FRAS1: variants seen among roughly 807,000 people sequenced by gnomAD.
The protein encoded by FRAS1 is Fraser extracellular matrix complex subunit 1.
Under a neutral mutation model 435.2 loss-of-function variants are expected in FRAS1, and 290 were observed. That is an observed-to-expected ratio of 0.67 (90% CI 0.61 to 0.73). The LOEUF (loss-of-function observed/expected upper bound fraction) is 0.73. Among genes scored for constraint, FRAS1 ranks in the 30% least tolerant of loss-of-function variants. The pLI is 0.00. For missense variants in FRAS1, 4,860 were observed against 5,001.5 expected (o/e 0.97, Z 0.85); for synonymous variants, 1,800 against 1,851.0 (o/e 0.97, Z 0.71).
intron 4 of FRAS1, among the ~76,000 whole-genome samples, chr4:78,247,428 T>C (rs1725294048): frequency 6.6e-6 from 1 of 152,190 alleles, no homozygotes; most frequent in African/African-American, 2.4e-5. Context: ...CTTCTTCAAA[T>C]AGAGCTAGAA....
chr4:78,492,523 C>T (rs1057444170), intron 59 of FRAS1, among the ~76,000 whole-genome samples: 2 of 152,066 alleles, frequency 1.3e-5, no homozygotes, highest in African/African-American at 4.8e-5. Flanking sequence ...TTTGACAAAC[C>T]TGACAAAAAT....
intron 20 of FRAS1, among the ~76,000 whole-genome samples, chr4:78,345,371 G>T (rs1458244814): frequency 6.6e-6 from 1 of 152,106 alleles, no homozygotes; most frequent in African/African-American, 2.4e-5. Context: ...GTAGAATTAA[G>T]GACTTGAATC....
At chr4:78,177,250 C>T (rs1578168385) in intron 2 of FRAS1, among the ~76,000 whole-genome samples, 1 of 152,156 alleles carries the variant, frequency 6.6e-6, no homozygotes, top group East Asian at 1.9e-4. Context: ...GGGGACATGG[C>T]TTGAAATATA....
At chr4:78,320,787 C>G (rs1729472870) in intron 18 of FRAS1, among the ~76,000 whole-genome samples, 2 of 152,036 alleles carry the variant, frequency 1.3e-5, no homozygotes, top group African/African-American at 4.8e-5. Context: ...GTGGAAACCA[C>G]AGAGGAATTA....
intron 2 of FRAS1, among the ~76,000 whole-genome samples, chr4:78,223,036 C>T (rs533021096): frequency 2.0e-5 from 3 of 152,232 alleles, no homozygotes; most frequent in South Asian, 2.1e-4. Context: ...TCGGTGGCTT[C>T]CTGGCAAACA....
At chr4:78,278,788 A>T in intron 10 of FRAS1, 44 bp downstream of exon 10, 2 of 1,117,104 alleles carry the variant, frequency 1.8e-6, no homozygotes, top group Non-Finnish European at 2.7e-6. Flanking sequence ...AAATTAATTC[A>T]AAATTAATCT....
At position 78,384,906 on chromosome 4, in the gene FRAS1, TC is replaced by T. The variant is rs1312414405; in HGVS notation, c.3648+764del. On this transcript the variant is annotated intron_variant, in intron 28 of 73. Transcript: ENST00000512123. ...CTGAGCAACACAGTGAGACCCTGTC[TC>T]AAAAAAAAAAAAAAAAAAAAAAGAC... Among the ~76,000 whole-genome samples the T allele has an allele frequency of 6.7e-3, 372 of 55,734 alleles. 1 individual carries two copies. Among genetic ancestry groups the T allele is most frequent in the African/African-American group, 0.029 (347 of 11,898 alleles). The allele number at this position is 55,734 out of a possible 152,430, so 36.6% of individuals were successfully genotyped here.
chr4:78,265,859 A>G (rs1221683409), intron 7 of FRAS1, among the ~76,000 whole-genome samples: 1 of 152,236 alleles, frequency 6.6e-6, no homozygotes, highest in Non-Finnish European at 1.5e-5. Context: ...GAAACTAAGT[A>G]TTAGGGGATA....
intron 26 of FRAS1, among the ~76,000 whole-genome samples, chr4:78,378,283 A>G (rs1377477858): frequency 6.6e-6 from 1 of 152,182 alleles, no homozygotes; most frequent in Non-Finnish European, 1.5e-5. Context: ...GATGAGTAAT[A>G]TTACATTTTG....
chr4:78,477,710 G>T, intron 54 of FRAS1, 105 bp from the exon 55 acceptor site: 1 of 1,407,012 alleles, frequency 7.1e-7, no homozygotes, highest in East Asian at 2.4e-5. Flanking sequence ...TTCAGTCAGT[G>T]CTCTGCCCAC....
intron 60 of FRAS1, among the ~76,000 whole-genome samples, chr4:78,498,682 C>T (rs554135842): frequency 1.3e-5 from 2 of 152,038 alleles, no homozygotes; most frequent in African/African-American, 4.8e-5. Flanking sequence ...GAAATTTCTG[C>T]CATATTCTAT....
rs186999556 is a variant in FRAS1, at chr4:78,430,241, G to C, written c.4844-51G>C. The C allele has an allele frequency of 2.0e-5, 33 of 1,610,624 alleles. No homozygotes were observed. The Admixed American group carries it at 5.5e-4, about 27-fold the overall frequency. On this transcript the variant is annotated intron_variant, in intron 36 of 73. Coordinates refer to ENST00000512123, the MANE Select transcript of FRAS1 (RefSeq NM_025074.7). ...CTGCGGTTTTAATATATAGTCTATC[G>C]TCTTTAACATACGCTTTCTCTCTCA...
At chr4:78,252,309 GAGA>G in intron 4 of FRAS1, 80 bp from the exon 5 acceptor site, 1 of 1,337,192 alleles carries the variant, frequency 7.5e-7, no homozygotes, top group East Asian at 2.3e-5. Flanking sequence ...ATTTGGATAA[GAGA>G]AGATTTGTTT....
chr4:78,322,180 T>C (rs899923578), intron 18 of FRAS1, among the ~76,000 whole-genome samples: 5 of 152,218 alleles, frequency 3.3e-5, no homozygotes, highest in Admixed American at 2.0e-4. Flanking sequence ...TTGATGTATT[T>C]CCTGTCAGTC....
intron 29 of FRAS1, among the ~76,000 whole-genome samples, chr4:78,400,508 T>C (rs1732841176): frequency 6.6e-6 from 1 of 152,132 alleles, no homozygotes; most frequent in Non-Finnish European, 1.5e-5. Context: ...AGTTGTTGGT[T>C]CATGATAAAC....
intron 2 of FRAS1, among the ~76,000 whole-genome samples, chr4:78,111,728 T>C (rs1390716665): frequency 8.5e-6 from 1 of 117,332 alleles, no homozygotes; most frequent in Non-Finnish European, 1.7e-5. Context: ...AATGTGCACA[T>C]GTACCCTAAA....
rs555377136 is a variant in FRAS1 at position 78,148,508 on chromosome 4, A to T, written c.108+82492A>T. ...ATTTTTAAACAAGTTTGTTGAAATT[A>T]TGTAAGAAAATTAACTTCATCAGTG... is the stretch of plus-strand genomic sequence containing the variant. On this transcript the variant is annotated intron_variant, in intron 2 of 73. Transcript: ENST00000512123. Among the ~76,000 whole-genome samples, 11 of 152,328 alleles carry T rather than the reference A, an allele frequency of 7.2e-5. No homozygotes were observed. In the East Asian group the frequency reaches 2.1e-3, roughly 29 times the overall value.
intron 18 of FRAS1, among the ~76,000 whole-genome samples, chr4:78,330,387 T>C (rs1367862344): frequency 6.6e-6 from 1 of 152,192 alleles, no homozygotes; most frequent in Non-Finnish European, 1.5e-5. Flanking sequence ...TTGAGCAATA[T>C]GAAATCTGGG....
chr4:78,464,673 A>G, intron 49 of FRAS1, 90 bp downstream of exon 49: 1 of 1,428,334 alleles, frequency 7.0e-7, no homozygotes, highest in Non-Finnish European at 9.6e-7. Context: ...TCCTGATGGT[A>G]GGGAGGAGCT....
Sources: allele counts gnomAD v4.1 joint callset (sites outside exome capture counted in the v4.1 genomes callset), GRCh38; gene constraint gnomAD v4.1.1; transcripts MANE v1.5; gene names NCBI Gene and HGNC (gene_info 2026-07-23, HGNC 2026-07-21).